CRIPT: variants seen among roughly 807,000 people sequenced by gnomAD.
CRIPT encodes cysteine-rich PDZ-binding protein.
A neutral mutation model predicts 16.6 loss-of-function variants in CRIPT; 20 were observed. That is an observed-to-expected ratio of 1.20 (90% CI 0.85 to 1.75). The LOEUF (loss-of-function observed/expected upper bound fraction) is 1.75. Ranked by LOEUF, CRIPT falls within the 40% of genes most tolerant of loss-of-function variation. The pLI is 0.00. For synonymous variants in CRIPT, 42 were observed against 37.0 expected (o/e 1.14, Z -0.49); for missense variants, 133 against 115.3 (o/e 1.15, Z -0.70).
At chr2:46,622,552 G>A (rs551845203) in intron 3 of CRIPT, among the ~76,000 whole-genome samples, 7 of 152,124 alleles carry the variant, frequency 4.6e-5, no homozygotes, top group East Asian at 1.9e-4. Flanking sequence ...AGTGGTTCAC[G>A]CCTGTGATCC....
rs200095932 is a variant in CRIPT, at chr2:46,624,275, T to G, written c.*48T>G. On this transcript the variant is annotated 3_prime_UTR_variant, in exon 5 of 5. Coordinates refer to ENST00000238892, the MANE Select transcript of CRIPT (RefSeq NM_014171.6). Reference sequence around the variant, plus strand: ...TTTCTAAATGATTTTACTTTCTGCCTTGAATTTTCAAGGCATAGATGTCAA... The same window carrying G: ...TTTCTAAATGATTTTACTTTCTGCCGTGAATTTTCAAGGCATAGATGTCAA... 271 of 1,341,090 alleles carry G rather than the reference T, an allele frequency of 2.0e-4. 2 individuals carry two copies. In the African/African-American group the frequency reaches 3.7e-3, roughly 18 times the overall value. The allele number at this position is 1,341,090 out of a possible 1,614,324, so 83.1% of individuals were successfully genotyped here.
Position 46,629,801 on chromosome 2 carries a change from G to A in CRIPT, c.*5574G>A, listed in dbSNP as rs1252896672. 1.3e-5 allele frequency among the ~76,000 whole-genome samples: 2 copies of A among 152,118 alleles called. No homozygotes were observed. Among genetic ancestry groups the A allele is most frequent in the South Asian group, 4.1e-4 (2 of 4,826 alleles). On this transcript the variant is annotated 3_prime_UTR_variant, in exon 5 of 5. Coordinates refer to ENST00000238892, the MANE Select transcript of CRIPT (RefSeq NM_014171.6). ...TTGTTTTTCCTTTTGCAATTAGTGG[G>A]TAATTTGTGAGGAGAAACTTTGAGA...
rs201316537 is a variant in CRIPT, at chr2:46,625,067, G to GTTTTTTTTTTTTTTT, written c.*843_*844insTTTTTTTTTTTTTTT. On this transcript the variant is annotated 3_prime_UTR_variant, in exon 5 of 5. Coordinates refer to ENST00000238892, the MANE Select transcript of CRIPT (RefSeq NM_014171.6). ...TCTTGACTCTCCCTTTTTAAAATTT[G>GTTTTTTTTTTTTTTT]TTTGTTTTTTTTTTTTTTTTTTGGA... is the stretch of plus-strand genomic sequence containing the variant. 1 of 91,650 alleles carries GTTTTTTTTTTTTTTT rather than the reference G, an allele frequency of 1.1e-5. No individual in the cohort carries two copies. The highest frequency in any genetic ancestry group is 5.6e-5 in the African/African-American group (1 of 17,782). 5.7% of individuals were successfully genotyped at this position (91,650 alleles called of 1,614,324 possible).
At chr2:46,620,878 A>G (rs530622724) in intron 3 of CRIPT, among the ~76,000 whole-genome samples, 1 of 151,932 alleles carries the variant, frequency 6.6e-6, no homozygotes, top group African/African-American at 2.4e-5. Context: ...TCATAGTAGC[A>G]CCACTCTCTA....
chr2:46,619,882 G>A (rs1013635435), intron 3 of CRIPT, among the ~76,000 whole-genome samples: 2 of 152,112 alleles, frequency 1.3e-5, no homozygotes, highest in African/African-American at 2.4e-5. Context: ...GAAGATATTA[G>A]TGTTATTCTC....
chr2:46,618,622 T>C (rs1670727446), intron 1 of CRIPT, 151 bp from the exon 2 acceptor site: 2 of 477,696 alleles, frequency 4.2e-6, no homozygotes, highest in Non-Finnish European at 3.8e-6. Flanking sequence ...ACAGTTAATA[T>C]GAGTCTCAGT....
Position 46,624,321 on chromosome 2 carries a change from A to C in CRIPT, c.*94A>C. The C allele has an allele frequency of 2.7e-6, 2 of 752,332 alleles. No individual in the cohort carries two copies. The highest frequency in any genetic ancestry group is 4.0e-6 in the Non-Finnish European group (2 of 498,138). The allele number at this position is 752,332 out of a possible 1,614,324, so 46.6% of individuals were successfully genotyped here. Reference sequence around the variant, plus strand: ...GTCAACTTACAGAATAACATGTTTTAAGATAATTAAGTTTAAACCAGAGAA... The same window carrying C: ...GTCAACTTACAGAATAACATGTTTTCAGATAATTAAGTTTAAACCAGAGAA... On this transcript the variant is annotated 3_prime_UTR_variant, in exon 5 of 5. Transcript: ENST00000238892.
At chr2:46,620,916 A>G (rs1670786173) in intron 3 of CRIPT, among the ~76,000 whole-genome samples, 1 of 151,898 alleles carries the variant, frequency 6.6e-6, no homozygotes, top group Non-Finnish European at 1.5e-5. Context: ...TAAAAGCTAG[A>G]ATTCCTCACT....
chr2:46,618,889 A>T (rs1670736327), intron 2 of CRIPT, 51 bp downstream of exon 2: 1 of 1,090,910 alleles, frequency 9.2e-7, no homozygotes, highest in South Asian at 1.3e-5. Context: ...TACTGTGAAT[A>T]ATACCTTAGT....
At chr2:46,620,556 G>A (rs1572794601) in intron 3 of CRIPT, among the ~76,000 whole-genome samples, 1 of 151,746 alleles carries the variant, frequency 6.6e-6, no homozygotes, top group Non-Finnish European at 1.5e-5. Flanking sequence ...GTGTCCTTAA[G>A]TTCCTTTCCC....
intron 2 of CRIPT, 26 bp from the exon 3 acceptor site, chr2:46,619,593 ATAACCCAC>A: frequency 6.8e-7 from 1 of 1,470,674 alleles, no homozygotes; most frequent in Non-Finnish European, 9.4e-7. Flanking sequence ...ATGTATAGAA[ATAACCCAC>A]TAAAATATCT....
Position 46,624,303 on chromosome 2 carries a change from T to TA in CRIPT, c.*77dup. The stretch of plus-strand genomic sequence containing the variant: ...AATTTTCAAGGCATAGATGTCAACT[T>TA]ACAGAATAACATGTTTTAAGATAAT... On this transcript the variant is annotated 3_prime_UTR_variant, in exon 5 of 5. Coordinates refer to ENST00000238892, the MANE Select transcript of CRIPT (RefSeq NM_014171.6). 1.1e-6 allele frequency: 1 copy of TA among 903,872 alleles called. No individual in the cohort carries two copies. Among genetic ancestry groups the TA allele is most frequent in the Admixed American group, 2.4e-5 (1 of 42,162 alleles). The allele number at this position is 903,872 out of a possible 1,614,324, so 56.0% of individuals were successfully genotyped here. A position where few individuals can be genotyped will look rare whatever the true frequency, so the allele number is the denominator to read the frequency against.
rs187870794 is a variant in CRIPT at position 46,623,717 on chromosome 2, G to A, written c.138-47G>A. The A allele has an allele frequency of 2.2e-3, 2,317 of 1,048,192 alleles. 1 individual carries two copies. Among genetic ancestry groups the A allele is most frequent in the Non-Finnish European group, 2.3e-3 (1,598 of 682,284 alleles). 64.9% of individuals were successfully genotyped at this position (1,048,192 alleles called of 1,614,324 possible). On this transcript the variant is annotated intron_variant, in intron 3 of 4. Coordinates refer to ENST00000238892, the MANE Select transcript of CRIPT (RefSeq NM_014171.6). ...TGCGTAAGTGGGGTTATTTAAGAGT[G>A]TTTCTAGTGTAATATACAATTTTCT...
chr2:46,618,702 C>A, intron 1 of CRIPT, 71 bp from the exon 2 acceptor site: 1 of 974,264 alleles, frequency 1.0e-6, no homozygotes, highest in Non-Finnish European at 1.6e-6. Flanking sequence ...CCATTGTGAA[C>A]CTTAGGCACA....
chr2:46,622,480 AT>A lies in CRIPT; in HGVS notation c.138-1282del, dbSNP rs552977480. ...ATACATGTCCAAACAAATTGAACTT[AT>A]TGAAAGGAAGAAGAGTACCTATCTT... On this transcript the variant is annotated intron_variant, in intron 3 of 4. Coordinates refer to ENST00000238892, the MANE Select transcript of CRIPT (RefSeq NM_014171.6). Among the ~76,000 whole-genome samples, 13 of 152,176 alleles carry A rather than the reference AT, an allele frequency of 8.5e-5. No individual in the cohort carries two copies. The South Asian group carries it at 2.7e-3, about 32-fold the overall frequency.
chr2:46,622,918 A>G (rs1670846700), intron 3 of CRIPT, among the ~76,000 whole-genome samples: 1 of 151,974 alleles, frequency 6.6e-6, no homozygotes, highest in African/African-American at 2.4e-5. Context: ...GGTGTTTCGT[A>G]TCTAGTATAT....
intron 3 of CRIPT, among the ~76,000 whole-genome samples, chr2:46,622,058 ACT>A (rs1558718323): frequency 6.6e-6 from 1 of 151,828 alleles, no homozygotes; most frequent in Non-Finnish European, 1.5e-5. Context: ...TTAAGAAAAA[ACT>A]CTGCCAGTTT....
Position 46,627,615 on chromosome 2 carries a change from T to A in CRIPT, c.*3388T>A, listed in dbSNP as rs1670971304. Among the ~76,000 whole-genome samples the A allele has an allele frequency of 6.6e-6, 1 of 151,996 alleles. No homozygotes were observed. The highest frequency in any genetic ancestry group is 2.4e-5 in the African/African-American group (1 of 41,360). On this transcript the variant is annotated 3_prime_UTR_variant, in exon 5 of 5. Transcript: ENST00000238892. ...ACATGCCACCACGCCTGGCTAATTT[T>A]TCTATTTTTAGTAGGAATGGGGTTT...
At chr2:46,622,583 G>A (rs1202147387) in intron 3 of CRIPT, among the ~76,000 whole-genome samples, 2 of 152,044 alleles carry the variant, frequency 1.3e-5, no homozygotes, top group Non-Finnish European at 2.9e-5. Context: ...GGAGGCCAAC[G>A]CAGGCGGATC....
Sources: allele counts gnomAD v4.1 joint callset (sites outside exome capture counted in the v4.1 genomes callset), GRCh38; gene constraint gnomAD v4.1.1; transcripts MANE v1.5; gene names NCBI Gene and HGNC (gene_info 2026-07-23, HGNC 2026-07-21).